RAB7A: variants seen among roughly 807,000 people sequenced by gnomAD.
RAB7A encodes ras-related protein Rab-7a.
A neutral mutation model predicts 24.5 loss-of-function variants in RAB7A; 2 were observed. The ratio of observed to expected loss-of-function variants is 0.08; its 90% CI spans 0.03 to 0.26. The LOEUF (loss-of-function observed/expected upper bound fraction) is 0.26. RAB7A is among the 10% of genes least tolerant of loss of function. The pLI, the probability that RAB7A is intolerant of heterozygous loss-of-function variation, is 1.00. For synonymous variants in RAB7A, 100 were observed against 95.9 expected (o/e 1.04, Z -0.25); for missense variants, 118 against 255.7 (o/e 0.46, Z 3.67).
intron 1 of RAB7A, among the ~76,000 whole-genome samples, chr3:128,761,421 C>T (rs1044452457): frequency 1.3e-5 from 2 of 152,184 alleles, no homozygotes; most frequent in Non-Finnish European, 2.9e-5. Context: ...TGACATCATA[C>T]ATTTATTGCC....
chr3:128,802,617 T>TCTC (rs35148503), intron 3 of RAB7A, among the ~76,000 whole-genome samples: 41,545 of 150,904 alleles, frequency 0.28, 7,299 homozygotes, highest in African/African-American at 0.5. Flanking sequence ...TTCAAGCAAT[T>TCTC]CTGCCTCAGC....
At chr3:128,776,650 T>A (rs956072277) in intron 1 of RAB7A, among the ~76,000 whole-genome samples, 1 of 152,244 alleles carries the variant, frequency 6.6e-6, no homozygotes, top group African/African-American at 2.4e-5. Flanking sequence ...TTTCAGTTAC[T>A]GTGAATAATA....
At chr3:128,773,041 C>G (rs958127339) in intron 1 of RAB7A, among the ~76,000 whole-genome samples, 7 of 152,194 alleles carry the variant, frequency 4.6e-5, no homozygotes, top group Non-Finnish European at 8.8e-5. Context: ...GCGTCTCTGC[C>G]TGGCTGCCCA....
At chr3:128,804,123 C>CA (rs1933754111) in intron 3 of RAB7A, among the ~76,000 whole-genome samples, 1 of 145,598 alleles carries the variant, frequency 6.9e-6, no homozygotes, top group South Asian at 2.1e-4. Flanking sequence ...GGCCCCCCCC[C>CA]GCCCCCAGCA....
chr3:128,775,404 T>C (rs1933064886), intron 1 of RAB7A, among the ~76,000 whole-genome samples: 1 of 152,216 alleles, frequency 6.6e-6, no homozygotes, highest in South Asian at 2.1e-4. Flanking sequence ...TTTCACCTGG[T>C]GTAACATCCC....
intron 1 of RAB7A, among the ~76,000 whole-genome samples, chr3:128,781,002 A>G (rs967410504): frequency 7.9e-5 from 12 of 152,204 alleles, no homozygotes; most frequent in Non-Finnish European, 1.6e-4. Context: ...GTCTTATGCT[A>G]AATGTGACTC....
intron 1 of RAB7A, among the ~76,000 whole-genome samples, chr3:128,727,186 T>G (rs2070388817): frequency 6.6e-6 from 1 of 152,168 alleles, no homozygotes; most frequent in Admixed American, 6.5e-5. Context: ...TTTTAACAGA[T>G]CATTATGTTT....
At chr3:128,739,861 G>C (rs2070532026) in intron 1 of RAB7A, among the ~76,000 whole-genome samples, 1 of 152,210 alleles carries the variant, frequency 6.6e-6, no homozygotes. Flanking sequence ...CTTGAGGTCA[G>C]TTGAAGACCA....
At chr3:128,766,374 G>T (rs572461739) in intron 1 of RAB7A, among the ~76,000 whole-genome samples, 386 of 152,296 alleles carry the variant, frequency 2.5e-3, no homozygotes, top group African/African-American at 8.9e-3. Context: ...CACCCAAGAA[G>T]TCCTGGGTAA....
chr3:128,807,800 G>C (rs1009311665), intron 5 of RAB7A, 129 bp downstream of exon 5: 21 of 1,339,284 alleles, frequency 1.6e-5, no homozygotes, highest in Non-Finnish European at 2.2e-5. Flanking sequence ...TACCCTATGT[G>C]TTCATCTGGG....
At position 128,813,607 on chromosome 3, in the gene RAB7A, A is replaced by ACG; in HGVS notation, c.*186_*187insGC. 3 of 625,920 alleles carry ACG rather than the reference A, an allele frequency of 4.8e-6. No homozygotes were observed. Among genetic ancestry groups the ACG allele is most frequent in the Non-Finnish European group, 8.8e-6 (3 of 339,076 alleles). The allele number at this position is 625,920 out of a possible 1,614,324, so 38.8% of individuals were successfully genotyped here. On this transcript the variant is annotated 3_prime_UTR_variant, in exon 6 of 6. Transcript: ENST00000265062. Reference sequence around the variant, plus strand: ...CTCTCACACACACACACACACGCACACACACACACACAGATCTGACGTAAT... The same window carrying ACG: ...CTCTCACACACACACACACACGCACACGCACACACACACAGATCTGACGTAAT...
intron 3 of RAB7A, among the ~76,000 whole-genome samples, chr3:128,799,821 C>G (rs556343615): frequency 2.0e-5 from 3 of 152,170 alleles, no homozygotes; most frequent in Admixed American, 6.5e-5. Context: ...TAACATAAAT[C>G]CCTGTCATTC....
intron 1 of RAB7A, among the ~76,000 whole-genome samples, chr3:128,765,857 G>T (rs2107598531): frequency 6.6e-6 from 1 of 151,414 alleles, no homozygotes; most frequent in Admixed American, 6.6e-5. Flanking sequence ...CGCCTCCCAG[G>T]TTCAAGTGAT....
At chr3:128,801,171 C>T (rs1933690362) in intron 3 of RAB7A, among the ~76,000 whole-genome samples, 1 of 152,124 alleles carries the variant, frequency 6.6e-6, no homozygotes, top group Admixed American at 6.5e-5. Flanking sequence ...GAGATGTGTA[C>T]AGCATAGTGC....
intron 1 of RAB7A, among the ~76,000 whole-genome samples, chr3:128,777,901 A>G (rs776894872): frequency 3.9e-5 from 6 of 152,122 alleles, no homozygotes; most frequent in Non-Finnish European, 8.8e-5. Flanking sequence ...TTTAGTAGAG[A>G]CAGGGTTTCA....
chr3:128,776,608 G>A (rs540901183), intron 1 of RAB7A, among the ~76,000 whole-genome samples: 2 of 152,250 alleles, frequency 1.3e-5, no homozygotes, highest in African/African-American at 2.4e-5. Context: ...TGATCCATTC[G>A]TCCATGGATG....
At chr3:128,737,943 T>C (rs2070509164) in intron 1 of RAB7A, among the ~76,000 whole-genome samples, 1 of 149,212 alleles carries the variant, frequency 6.7e-6, no homozygotes, top group African/African-American at 2.5e-5. Flanking sequence ...CCCAAAGTGC[T>C]AGGATTACAG....
At chr3:128,774,590 T>C (rs1004536781) in intron 1 of RAB7A, among the ~76,000 whole-genome samples, 1 of 152,010 alleles carries the variant, frequency 6.6e-6, no homozygotes, top group Non-Finnish European at 1.5e-5. Context: ...TTATTTATTT[T>C]TGAGACGGAG....
Position 128,813,490 on chromosome 3 carries a change from TC to T in RAB7A, c.*72del. The T allele has an allele frequency of 7.2e-7, 1 of 1,392,956 alleles. No individual in the cohort carries two copies. 86.3% of individuals were successfully genotyped at this position (1,392,956 alleles called of 1,614,324 possible). A position where few individuals can be genotyped will look rare whatever the true frequency, so the allele number is the denominator to read the frequency against. On this transcript the variant is annotated 3_prime_UTR_variant, in exon 6 of 6. Coordinates refer to ENST00000265062, the MANE Select transcript of RAB7A (RefSeq NM_004637.6). ...AACACACGTAGGCCTTCAACACAAT[TC>T]CCCTCTCCTCTTCCAAACAAAACAT...
Sources: gnomAD v4.1 joint callset for allele counts (sites outside exome capture counted in the v4.1 genomes callset) on GRCh38, gnomAD v4.1.1 for gene constraint, MANE v1.5 for transcripts, NCBI Gene and HGNC (gene_info 2026-07-23, HGNC 2026-07-21) for gene names.